The following ANKRD26 variants were observed in gnomAD, a reference collection of about 807,000 sequenced individuals.
ANKRD26 encodes ankyrin repeat domain 26.
A neutral mutation model predicts 208.7 loss-of-function variants in ANKRD26; 141 were observed. The observed-to-expected ratio is 0.68, with a 90% CI of 0.59 to 0.78. The LOEUF (loss-of-function observed/expected upper bound fraction) is 0.78, where lower values mean the gene tolerates loss of function less well. Ranked by LOEUF, ANKRD26 falls within the 30% of genes least tolerant of loss-of-function variation. ANKRD26 has a pLI of 0.00. For missense variants in ANKRD26, 1,889 were observed against 1,938.7 expected, an observed-to-expected ratio of 0.97 and a Z score of 0.48; for synonymous variants, 636 against 660.4, an observed-to-expected ratio of 0.96 and a Z score of 0.57.
the ANKRD26 span, among the ~76,000 whole-genome samples, chr10:26,950,858 T>A: frequency 1.3e-5 from 2 of 152,108 alleles, no homozygotes; most frequent in Non-Finnish European, 2.9e-5. Context: ...AATATAGAGC[T>A]TCAGTCTGAT....
intron 5 of ANKRD26, among the ~76,000 whole-genome samples, chr10:26,979,574 T>C (rs191463633): frequency 6.6e-6 from 1 of 152,296 alleles, no homozygotes; most frequent in Admixed American, 6.5e-5. Flanking sequence ...CTGAGGAACA[T>C]GGTTTCTAAA....
intron 12 of ANKRD26, 39 bp from the exon 13 acceptor site, chr10:27,061,281 AT>A: frequency 7.2e-7 from 1 of 1,388,722 alleles, no homozygotes; most frequent in Non-Finnish European, 1.0e-6. Flanking sequence ...ATATTGTAAT[AT>A]TTATCAAAAG....
intron 11 of ANKRD26, 46 bp downstream of exon 11, chr10:27,066,441 C>G: frequency 1.4e-6 from 2 of 1,424,324 alleles, no homozygotes; most frequent in Middle Eastern, 3.9e-4. Flanking sequence ...TTTAACATCA[C>G]TCAATGCTTA....
At chr10:27,088,259 G>A (rs1463241342) in intron 4 of ANKRD26, 1 of 152,154 alleles carries the variant, frequency 6.6e-6, no homozygotes, top group Non-Finnish European at 1.5e-5. Context: ...AATACTGGGT[G>A]CCACCCTTTT....
chr10:27,040,525 A>G (rs1306210388), intron 20 of ANKRD26, among the ~76,000 whole-genome samples: 1 of 152,192 alleles, frequency 6.6e-6, no homozygotes, highest in East Asian at 1.9e-4. Flanking sequence ...CTGAGAAATG[A>G]AGGACGAGAA....
At chr10:26,999,216 A>G (rs1183662447), downstream of ANKRD26, among the ~76,000 whole-genome samples, 2 of 152,210 alleles carry the variant, frequency 1.3e-5, no homozygotes, top group Non-Finnish European at 2.9e-5. Context: ...CATCTAGGCC[A>G]TTGTAACTTA....
exon 6 of ANKRD26, among the ~76,000 whole-genome samples, chr10:26,975,517 G>A (rs1255317050): frequency 2.0e-5 from 3 of 147,278 alleles, no homozygotes; most frequent in African/African-American, 7.5e-5. Flanking sequence ...ATGAGCCACT[G>A]TGCCCTGCCC....
chr10:27,017,914 A>G, intron 29 of ANKRD26, 122 bp from the exon 30 acceptor site: 1 of 939,746 alleles, frequency 1.1e-6, no homozygotes, highest in Non-Finnish European at 1.6e-6. Flanking sequence ...TGAACCATAA[A>G]AGATTCTTCA....
intron 25 of ANKRD26, 50 bp from the exon 26 acceptor site, chr10:27,029,406 T>C (rs1418847040): frequency 6.5e-7 from 1 of 1,539,778 alleles, no homozygotes; most frequent in Non-Finnish European, 8.9e-7. Context: ...CTAGTACACA[T>C]CTGTCCATTA....
chr10:26,976,782 A>T (rs1369880798), intron 5 of ANKRD26, among the ~76,000 whole-genome samples: 1 of 152,154 alleles, frequency 6.6e-6, no homozygotes, highest in Non-Finnish European at 1.5e-5. Flanking sequence ...CTTCATGTGC[A>T]TGTTCATTCT....
rs532961744 is a variant in ANKRD26, at chr10:27,004,954, G to C, written c.*636C>G. 1.3e-6 allele frequency: 1 copy of C among 773,060 alleles called. No homozygotes were observed. The highest frequency in any genetic ancestry group is 6.2e-5 in the Admixed American group (1 of 16,036). The allele number at this position is 773,060 out of a possible 1,614,324, so 47.9% of individuals were successfully genotyped here. A position where few individuals can be genotyped will look rare whatever the true frequency, so the allele number is the denominator to read the frequency against. The stretch of plus-strand genomic sequence containing the variant: ...GTAGGAATGCCCACTAAAGTAATCA[G>C]GGGTGATGACATAATGTCAGCAATT... On this transcript the variant is annotated 3_prime_UTR_variant, in exon 34 of 34. Transcript: ENST00000376087.
rs555807168 is a variant in ANKRD26, at chr10:27,014,807, C to A, written c.4507-96G>T. The stretch of plus-strand genomic sequence containing the variant: ...TCTAAGGGCTGTTTTGTTTTTAACC[C>A]AAACTCCAAAAAGAGAAAGATCTCT... On this transcript the variant is annotated intron_variant, in intron 30 of 33. Transcript: ENST00000376087. 4.1e-5 allele frequency: 39 copies of A among 951,902 alleles called. No individual in the cohort carries two copies. In the East Asian group the frequency reaches 9.7e-4, roughly 24 times the overall value. 59.0% of individuals were successfully genotyped at this position (951,902 alleles called of 1,614,324 possible).
At position 27,067,291 on chromosome 10, in the gene ANKRD26, TAAAAAC is replaced by T. The variant is rs1564408048; in HGVS notation, c.1078-11_1078-6del. 4 of 1,612,036 alleles carry T rather than the reference TAAAAAC, an allele frequency of 2.5e-6. No individual in the cohort carries two copies. The East Asian group carries it at 8.9e-5, about 36-fold the overall frequency. Reference sequence around the variant, plus strand: ...GCCTGGCTTTGTTGGTTCTTCCTATTAAAAACAAAAACAAACAAACAAAAAACTTCA... The same window carrying T: ...GCCTGGCTTTGTTGGTTCTTCCTATTAAAAACAAACAAACAAAAAACTTCA... On this transcript the variant is annotated splice_polypyrimidine_tract_variant and splice_region_variant and intron_variant, in intron 9 of 33. Transcript: ENST00000376087.
chr10:26,987,348 T>C (rs2052407978), downstream of ANKRD26, among the ~76,000 whole-genome samples: 1 of 152,140 alleles, frequency 6.6e-6, no homozygotes, highest in South Asian at 2.1e-4. Context: ...AGTTAATGGG[T>C]GCAGCACACC....
At chr10:27,025,165 TTTTG>T (rs57478852) in intron 27 of ANKRD26, among the ~76,000 whole-genome samples, 34 of 150,478 alleles carry the variant, frequency 2.3e-4, no homozygotes, top group Middle Eastern at 3.5e-3. Context: ...GGACTCTCTT[TTTTG>T]TTTGTTTGTT....
rs767240266 is a variant in ANKRD26 at position 27,040,080 on chromosome 10, T to A, written c.2260A>T (p.Lys754Ter). Residue 754 changes from lysine to a stop codon, truncating the protein, a stop_gained, in exon 21 of 34, where the codon AAA becomes TAA. Transcript: ENST00000376087. LOFTEE classifies it high-confidence loss of function. Reference protein sequence around the residue: ...NHCELLTVKIKKMEDKVNVLQ... With the variant: ...NHCELLTVKI ...ACATTAACCTTGTCTTCCATTTTTTTAATTTTTACTGTAAGTAGTTCACAG... is the reference window on the plus strand; with the variant it reads ...ACATTAACCTTGTCTTCCATTTTTTAAATTTTTACTGTAAGTAGTTCACAG... The A allele has an allele frequency of 3.8e-5, 61 of 1,612,974 alleles. No homozygotes were observed. The highest frequency in any genetic ancestry group is 5.0e-5 in the Admixed American group (3 of 60,002).
the ANKRD26 span, among the ~76,000 whole-genome samples, chr10:26,963,866 T>C: frequency 0.015 from 2,263 of 151,208 alleles, 136 homozygotes; most frequent in East Asian, 0.16. Flanking sequence ...TGTGTTATTT[T>C]TATTGGTTTT....
downstream of ANKRD26, among the ~76,000 whole-genome samples, chr10:26,972,432 G>GA (rs1437039358): frequency 2.2e-4 from 34 of 151,568 alleles, no homozygotes; most frequent in Non-Finnish European, 1.5e-5. Context: ...TTTATGTGAA[G>GA]AAAAAAAACT....
In ANKRD26 at chr10:27,085,002, A is replaced by G. The variant is rs1232546878; in HGVS notation, c.709+1537T>C. Among the ~76,000 whole-genome samples, 4 of 151,792 alleles carry G rather than the reference A, an allele frequency of 2.6e-5. No homozygotes were observed. In the East Asian group the frequency reaches 7.8e-4, roughly 29 times the overall value. On this transcript the variant is annotated intron_variant, in intron 5 of 33. Transcript: ENST00000376087. ...GAGTTGAGATATTTGAATATTCATT[A>G]TGATAATCTTTTGGCTAATGATAAC...
Sources: allele counts gnomAD v4.1 joint callset (sites outside exome capture counted in the v4.1 genomes callset), GRCh38; gene constraint gnomAD v4.1.1; transcripts MANE v1.5; gene names NCBI Gene and HGNC (gene_info 2026-07-23, HGNC 2026-07-21).